Variants in RPS6KA2 observed in about 807,000 individuals in gnomAD.
RPS6KA2 encodes the protein ribosomal protein S6 kinase A2, also known as ribosomal protein S6 kinase alpha-2.
Under a neutral mutation model 91.8 loss-of-function variants are expected in RPS6KA2, and 42 were observed. The ratio of observed to expected loss-of-function variants is 0.46; its 90% CI spans 0.36 to 0.59. The LOEUF is 0.59. Among genes scored for constraint, RPS6KA2 ranks in the 20% least tolerant of loss-of-function variants. The pLI is 0.00. For synonymous variants in RPS6KA2, 414 were observed against 393.6 expected (o/e 1.05, Z -0.61); for missense variants, 798 against 978.5 (o/e 0.82, Z 2.46).
chr6:166,783,641 C>T (rs10455810), intron 2 of RPS6KA2, among the ~76,000 whole-genome samples: 17,058 of 152,176 alleles, frequency 0.11, 1,226 homozygotes, highest in Middle Eastern at 0.17. Flanking sequence ...TGCATATATA[C>T]ATGTGCACAC....
intron 19 of RPS6KA2, among the ~76,000 whole-genome samples, chr6:166,415,039 T>C (rs535884028): frequency 1.3e-5 from 2 of 152,238 alleles, no homozygotes; most frequent in South Asian, 2.1e-4. Flanking sequence ...CACTCCAGAG[T>C]GGGTTACATG....
exon 1 of RPS6KA2, chr6:166,862,367 G>A (rs1010143354): frequency 4.9e-6 from 7 of 1,419,074 alleles, no homozygotes; most frequent in Non-Finnish European, 6.4e-6. Context: ...CCGGCCGGAG[G>A]AGGGACCCGG....
intron 2 of RPS6KA2, among the ~76,000 whole-genome samples, chr6:166,816,332 T>C (rs957388079): frequency 1.4e-5 from 2 of 146,060 alleles, no homozygotes; most frequent in East Asian, 2.0e-4. Flanking sequence ...GATCACCTGA[T>C]GTCAGGAATT....
intron 2 of RPS6KA2, among the ~76,000 whole-genome samples, chr6:166,703,748 C>G (rs780095061): frequency 6.6e-6 from 1 of 152,210 alleles, no homozygotes; most frequent in Non-Finnish European, 1.5e-5. Context: ...CAAGGCTGCA[C>G]TGACTGACTA....
At chr6:166,471,260 G>A (rs776667293) in intron 10 of RPS6KA2, among the ~76,000 whole-genome samples, 5 of 152,192 alleles carry the variant, frequency 3.3e-5, no homozygotes, top group East Asian at 1.9e-4. Context: ...CTGGAGTGGC[G>A]CAGGTCACCG....
intron 11 of RPS6KA2, among the ~76,000 whole-genome samples, chr6:166,468,525 A>G (rs1780625024): frequency 6.6e-6 from 1 of 152,000 alleles, no homozygotes; most frequent in Admixed American, 6.6e-5. Context: ...GGTGGGGCCC[A>G]CCTCTTAATG....
rs555494218 is a variant in RPS6KA2, at chr6:166,481,548, T to A, written c.907+7285A>T. On this transcript the variant is annotated intron_variant, in intron 10 of 20. Coordinates refer to ENST00000265678, the MANE Select transcript of RPS6KA2 (RefSeq NM_021135.6). ...CAGTGTGGAGAGCTCTGCTGAATTC[T>A]CTGATGAGATAGTAGACTGTATGTA... Among the ~76,000 whole-genome samples the A allele has an allele frequency of 2.0e-5, 3 of 152,354 alleles. No homozygotes were observed. The South Asian group carries it at 6.2e-4, about 32-fold the overall frequency.
intron 1 of RPS6KA2, among the ~76,000 whole-genome samples, chr6:166,541,646 T>C (rs16899123): frequency 0.037 from 5,688 of 152,236 alleles, 350 homozygotes; most frequent in African/African-American, 0.13. Flanking sequence ...CACTTCCAAA[T>C]TGCCATCCCC....
chr6:166,794,056 A>G (rs1779161748), intron 2 of RPS6KA2, among the ~76,000 whole-genome samples: 1 of 139,954 alleles, frequency 7.1e-6, no homozygotes, highest in South Asian at 2.7e-4. Flanking sequence ...CTACCATCAG[A>G]GTGAACAAGC....
intron 19 of RPS6KA2, 128 bp from the exon 20 acceptor site, chr6:166,414,059 C>T: frequency 1.4e-6 from 1 of 728,410 alleles, no homozygotes; most frequent in Non-Finnish European, 2.1e-6. Flanking sequence ...TGGGTCTTTG[C>T]ATTTTGGGGT....
chr6:166,633,880 C>T (rs138286373), intron 2 of RPS6KA2, among the ~76,000 whole-genome samples: 4 of 152,240 alleles, frequency 2.6e-5, no homozygotes, highest in Admixed American at 6.5e-5. Flanking sequence ...GAACGTGCCA[C>T]GCTTTAAGGC....
At chr6:166,549,278 CA>C (rs1269173336) in intron 1 of RPS6KA2, among the ~76,000 whole-genome samples, 1 of 152,186 alleles carries the variant, frequency 6.6e-6, no homozygotes, top group Non-Finnish European at 1.5e-5. Context: ...TCTTACAAAA[CA>C]AAACATCCCA....
chr6:166,430,561 A>G lies in RPS6KA2; in HGVS notation c.1473T>C (p.Gly491=). 5 of 1,613,900 alleles carry G rather than the reference A, an allele frequency of 3.1e-6. No individual in the cohort carries two copies. Among genetic ancestry groups the G allele is most frequent in the Non-Finnish European group, 4.2e-6 (5 of 1,179,962 alleles). The part of the protein sequence containing the change: ...FVYLVMELMR[G]GELLDRILRQ... ...GGAGGATGCGGTCCAGGAGCTCCCC[A>G]CCACGCATCAGCTCCATTACCAGGT... Residue 491 remains glycine (G), a synonymous_variant, in exon 16 of 21, where the codon GGT becomes GGC. Coordinates refer to ENST00000265678, the MANE Select transcript of RPS6KA2 (RefSeq NM_021135.6).
rs549988571 is a variant in RPS6KA2, at chr6:166,783,028, T to C, written c.123+75172A>G. Among the ~76,000 whole-genome samples the C allele has an allele frequency of 9.9e-5, 15 of 151,114 alleles. No homozygotes were observed. In the South Asian group the frequency reaches 2.9e-3, roughly 30 times the overall value. On this transcript the variant is annotated intron_variant, in intron 2 of 21. Coordinates refer to the RPS6KA2 transcript ENST00000503859. ...GTTTGGTCAAACACCAGTCTAAACT[T>C]GCTGCAGGGTATCTTTTAGGTATTA...
intron 1 of RPS6KA2, among the ~76,000 whole-genome samples, chr6:166,624,265 C>T (rs1422010678): frequency 6.6e-6 from 1 of 152,184 alleles, no homozygotes; most frequent in Non-Finnish European, 1.5e-5. Flanking sequence ...TTGTATATTT[C>T]AAAATATAAA....
intron 2 of RPS6KA2, among the ~76,000 whole-genome samples, chr6:166,673,466 G>T (rs1259881334): frequency 6.6e-6 from 1 of 152,200 alleles, no homozygotes; most frequent in African/African-American, 2.4e-5. Context: ...CTGTCCCTGG[G>T]GGGCTCCTGG....
intron 1 of RPS6KA2, among the ~76,000 whole-genome samples, chr6:166,601,953 T>C (rs542208195): frequency 2.0e-5 from 3 of 152,362 alleles, no homozygotes; most frequent in South Asian, 2.1e-4. Context: ...ACAAACTTGA[T>C]AGCATTTACA....
chr6:166,738,442 G>A (rs1222201292), intron 2 of RPS6KA2, among the ~76,000 whole-genome samples: 1 of 152,176 alleles, frequency 6.6e-6, no homozygotes. Flanking sequence ...ACAGCAGGAA[G>A]GCCAAGGTGG....
intron 1 of RPS6KA2, among the ~76,000 whole-genome samples, chr6:166,568,103 G>A (rs888729074): frequency 6.6e-6 from 1 of 152,172 alleles, no homozygotes; most frequent in Non-Finnish European, 1.5e-5. Context: ...GAGAAAAGGG[G>A]ACACTGGATG....
Sources: gnomAD v4.1 joint callset for allele counts (sites outside exome capture counted in the v4.1 genomes callset) on GRCh38, gnomAD v4.1.1 for gene constraint, MANE v1.5 for transcripts, NCBI Gene and HGNC (gene_info 2026-07-23, HGNC 2026-07-21) for gene names.